ANKRD28: variants seen among roughly 807,000 people sequenced by gnomAD.
ANKRD28 encodes the protein ankyrin repeat domain 28, also known as serine/threonine-protein phosphatase 6 regulatory ankyrin repeat subunit A.
A neutral mutation model predicts 126.5 loss-of-function variants in ANKRD28; 44 were observed. The ratio of observed to expected loss-of-function variants is 0.35; its 90% CI spans 0.27 to 0.45. ANKRD28 has a LOEUF of 0.45. Ranked by LOEUF, ANKRD28 falls within the 20% of genes least tolerant of loss-of-function variation. ANKRD28 has a pLI of 1.00. For missense variants in ANKRD28, 1,110 were observed against 1,316.6 expected (o/e 0.84, Z 2.43); for synonymous variants, 442 against 468.5 (o/e 0.94, Z 0.73).
intron 4 of ANKRD28, among the ~76,000 whole-genome samples, chr3:15,745,722 A>T (rs2057432277): frequency 1.3e-5 from 2 of 150,818 alleles, no homozygotes; most frequent in Non-Finnish European, 3.0e-5. Flanking sequence ...GAATTTCAGA[A>T]TTTTTTTTTT....
At chr3:15,720,629 T>C (rs1197752696) in intron 8 of ANKRD28, among the ~76,000 whole-genome samples, 1 of 152,170 alleles carries the variant, frequency 6.6e-6, no homozygotes, top group Non-Finnish European at 1.5e-5. Flanking sequence ...TTCATGCCCC[T>C]TTCCCAGTTG....
At position 15,790,876 on chromosome 3, in the gene ANKRD28, A is replaced by T. The variant is rs183671724; in HGVS notation, c.201+4347T>A. On this transcript the variant is annotated intron_variant, in intron 2 of 27. Coordinates refer to ENST00000683139, the MANE Select transcript of ANKRD28 (RefSeq NM_001349278.2). The stretch of plus-strand genomic sequence containing the variant: ...ACCTGTTTGTTGGTGATATAATCTT[A>T]TATTTGGAAAAACCTAAACATTCCA... 2.0e-5 allele frequency among the ~76,000 whole-genome samples: 3 copies of T among 152,246 alleles called. No individual in the cohort carries two copies. The South Asian group carries it at 6.2e-4, about 32-fold the overall frequency.
intron 8 of ANKRD28, among the ~76,000 whole-genome samples, chr3:15,716,271 C>T (rs1182929334): frequency 5.3e-5 from 8 of 150,230 alleles, no homozygotes; most frequent in East Asian, 1.9e-4. Flanking sequence ...CATGAGCCAC[C>T]GCACCTGGAC....
intron 14 of ANKRD28, among the ~76,000 whole-genome samples, chr3:15,703,781 C>T (rs554380553): frequency 1.6e-4 from 25 of 152,090 alleles, no homozygotes; most frequent in African/African-American, 5.1e-4. Context: ...GGATAGAGGA[C>T]GGAAGAGTTA....
chr3:15,743,397 G>T (rs189270778), intron 4 of ANKRD28, among the ~76,000 whole-genome samples: 1 of 152,122 alleles, frequency 6.6e-6, no homozygotes, highest in African/African-American at 2.4e-5. Context: ...AAACATATTT[G>T]CAAATAAACA....
intron 12 of ANKRD28, among the ~76,000 whole-genome samples, chr3:15,710,857 T>C (rs947664900): frequency 6.6e-6 from 1 of 152,118 alleles, no homozygotes; most frequent in African/African-American, 2.4e-5. Flanking sequence ...TTAACAAATC[T>C]ACTTAAAGAG....
At chr3:15,712,063 A>G in intron 11 of ANKRD28, 77 bp downstream of exon 11, 3 of 1,135,162 alleles carry the variant, frequency 2.6e-6, no homozygotes, top group Non-Finnish European at 3.9e-6. Flanking sequence ...TTAATTTTTA[A>G]AAAGCAGGAT....
intron 10 of ANKRD28, among the ~76,000 whole-genome samples, chr3:15,712,506 A>G (rs936510404): frequency 2.0e-5 from 3 of 152,210 alleles, no homozygotes; most frequent in African/African-American, 7.2e-5. Flanking sequence ...GCTGTTCAGC[A>G]GCATCCCTGG....
Position 15,708,088 on chromosome 3 carries a change from G to A in ANKRD28, c.1407-24C>T, listed in dbSNP as rs768409267. 8.2e-6 allele frequency: 13 copies of A among 1,581,276 alleles called. No individual in the cohort carries two copies. In the South Asian group the frequency reaches 1.4e-4, roughly 17 times the overall value. ...ATCTTTTGGGTCCAAGTTAATACAA[G>A]AAAGATAAAAGCCAGAGACATAACT... On this transcript the variant is annotated intron_variant, in intron 13 of 27. Transcript: ENST00000683139.
In ANKRD28 at chr3:15,833,400, C is replaced by A. The variant is rs974953928; in HGVS notation, c.27+25977G>T. The stretch of plus-strand genomic sequence containing the variant: ...AGTTTTGGGGCTCGGACTGGCTATC[C>A]TTGCTCCTCAGCTGGCAGATGCCCT... On this transcript the variant is annotated intron_variant, in intron 1 of 27. Coordinates refer to the ANKRD28 transcript ENST00000399451. The surrounding 1 kb of genome is among the most constrained non-coding windows in gnomAD (Gnocchi z 4.4). Among the ~76,000 whole-genome samples, 3 of 152,034 alleles carry A rather than the reference C, an allele frequency of 2.0e-5. No homozygotes were observed. In the East Asian group the frequency reaches 5.8e-4, roughly 29 times the overall value.
chr3:15,705,094 C>G (rs1263719247), intron 14 of ANKRD28, among the ~76,000 whole-genome samples: 1 of 152,086 alleles, frequency 6.6e-6, no homozygotes. Context: ...TCTTTCGGAT[C>G]CCAAGTATCA....
At chr3:15,745,299 C>T (rs2057402332) in intron 4 of ANKRD28, among the ~76,000 whole-genome samples, 1 of 152,144 alleles carries the variant, frequency 6.6e-6, no homozygotes, top group Non-Finnish European at 1.5e-5. Context: ...AAACCAATGT[C>T]TAGAAGGGTT....
rs202083902 is a variant in ANKRD28 at position 15,765,847 on chromosome 3, C to CA, written c.280+386dup. On this transcript the variant is annotated intron_variant, in intron 3 of 27. Transcript: ENST00000683139. ...AGACTCCATCTCAAAAACCAAAAACCAAAAAAAAAAAAAAAAACCAACCAA... is the reference window on the plus strand; with the variant it reads ...AGACTCCATCTCAAAAACCAAAAACCAAAAAAAAAAAAAAAAAACCAACCAA... 6.8e-3 allele frequency among the ~76,000 whole-genome samples: 905 copies of CA among 133,012 alleles called. 7 individuals carry two copies. Among genetic ancestry groups the CA allele is most frequent in the East Asian group, 0.018 (87 of 4,780 alleles). The allele number at this position is 133,012 out of a possible 152,430, so 87.3% of individuals were successfully genotyped here.
Position 15,808,049 on chromosome 3 carries a change from A to G in ANKRD28, c.28-12743T>C, listed in dbSNP as rs535217675. 5.3e-5 allele frequency among the ~76,000 whole-genome samples: 8 copies of G among 152,334 alleles called. No individual in the cohort carries two copies. In the South Asian group the frequency reaches 1.5e-3, roughly 28 times the overall value. On this transcript the variant is annotated intron_variant, in intron 1 of 27. Coordinates refer to the ANKRD28 transcript ENST00000399451. Reference sequence around the variant, plus strand: ...TAAATCCCAATTTCACGGACAAAAAATCTGAGTTGGACCAATTAAACACTG... The same window carrying G: ...TAAATCCCAATTTCACGGACAAAAAGTCTGAGTTGGACCAATTAAACACTG...
At chr3:15,693,851 T>C (rs1401298990) in intron 17 of ANKRD28, among the ~76,000 whole-genome samples, 2 of 152,140 alleles carry the variant, frequency 1.3e-5, no homozygotes, top group African/African-American at 4.8e-5. Context: ...ATTTAATGTA[T>C]ATATGTCAGT....
chr3:15,673,266 G>C (rs1381998948), intron 27 of ANKRD28, among the ~76,000 whole-genome samples: 2 of 152,206 alleles, frequency 1.3e-5, no homozygotes, highest in African/African-American at 2.4e-5. Context: ...ACTATTTTAA[G>C]TGCATCGTTA....
intron 1 of ANKRD28, among the ~76,000 whole-genome samples, chr3:15,835,571 TA>T (rs1211871147): frequency 1.3e-5 from 2 of 152,322 alleles, no homozygotes; most frequent in South Asian, 4.1e-4. Context: ...GAACTCTGTA[TA>T]AAAGTTTCCA....
At chr3:15,745,527 T>C (rs2057418475) in intron 4 of ANKRD28, among the ~76,000 whole-genome samples, 1 of 152,186 alleles carries the variant, frequency 6.6e-6, no homozygotes. Flanking sequence ...TGTAAGTATT[T>C]GGCCTTATTT....
At chr3:15,678,123 A>C (rs968206393) in intron 24 of ANKRD28, 86 bp downstream of exon 24, 1 of 1,289,260 alleles carries the variant, frequency 7.8e-7, no homozygotes, top group African/African-American at 1.5e-5. Context: ...TAAGATAACT[A>C]GTTGAAGTCA....
Sources: allele counts gnomAD v4.1 joint callset (sites outside exome capture counted in the v4.1 genomes callset), GRCh38; gene constraint gnomAD v4.1.1; non-coding constraint Gnocchi (gnomAD v3.1); transcripts MANE v1.5; gene names NCBI Gene and HGNC (gene_info 2026-07-23, HGNC 2026-07-21).